GRIP1: variants seen among roughly 807,000 people sequenced by gnomAD.
GRIP1 encodes glutamate receptor-interacting protein 1.
Under a neutral mutation model 129.9 loss-of-function variants are expected in GRIP1, and 45 were observed. The ratio of observed to expected loss-of-function variants is 0.35; its 90% confidence interval spans 0.27 to 0.44. The LOEUF (loss-of-function observed/expected upper bound fraction) is 0.44. Ranked by LOEUF, GRIP1 falls within the 20% of genes least tolerant of loss-of-function variation. The pLI is 1.00. For synonymous variants in GRIP1, 530 were observed against 520.8 expected (o/e 1.02, Z -0.24); for missense variants, 1,196 against 1,396.8 (o/e 0.86, Z 2.29).
chr12:66,524,616 G>C (rs1276684868), intron 5 of GRIP1, among the ~76,000 whole-genome samples: 1 of 151,914 alleles, frequency 6.6e-6, no homozygotes, highest in South Asian at 2.1e-4. Flanking sequence ...ACAATTAAAA[G>C]AACTAGAAAA....
intron 11 of GRIP1, among the ~76,000 whole-genome samples, chr12:66,450,239 G>A (rs1165952790): frequency 7.0e-6 from 1 of 142,098 alleles, no homozygotes; most frequent in Non-Finnish European, 1.5e-5. Context: ...GGGAGGCGGA[G>A]CTTGCAGTGA....
At chr12:66,810,552 T>C (rs1344653288) in intron 1 of GRIP1, among the ~76,000 whole-genome samples, 1 of 151,548 alleles carries the variant, frequency 6.6e-6, no homozygotes, top group East Asian at 2.0e-4. Context: ...AGTGAAACCC[T>C]GTGTCAAGGA....
rs1325988496 is a variant in GRIP1 at position 66,541,824 on chromosome 12, A to G, written c.263T>C (p.Ile88Thr). Residue 88 changes from isoleucine (I) to threonine (T), a missense_variant, in exon 3 of 25, where the codon ATT becomes ACT. This residue lies in a region of GRIP1 where 217 missense variants were observed against 224.8 expected (regional missense o/e 0.97). Coordinates refer to ENST00000359742, the MANE Select transcript of GRIP1 (RefSeq NM_001366722.1). ...CCCAAGAGGCAGTTACCTAGCAGCA[A>G]TTCCTCCTTGCCGCAGATTAGATAC... ...PRVSNLRQGG[I>T]AARSDQLDVG... 3 of 1,613,966 alleles carry G rather than the reference A, an allele frequency of 1.9e-6. No homozygotes were observed. The Admixed American group carries it at 5.0e-5, about 27-fold the overall frequency.
intron 1 of GRIP1, among the ~76,000 whole-genome samples, chr12:67,007,729 T>C (rs1250824128): frequency 6.6e-6 from 1 of 152,160 alleles, no homozygotes; most frequent in Non-Finnish European, 1.5e-5. Flanking sequence ...AGGAAAATCA[T>C]GGTCATGGTG....
At chr12:66,646,332 T>C (rs930176738) in intron 1 of GRIP1, among the ~76,000 whole-genome samples, 10 of 152,142 alleles carry the variant, frequency 6.6e-5, no homozygotes, top group Non-Finnish European at 1.3e-4. Context: ...CAGAAATATA[T>C]TTGGGGGAAG....
rs117124003 is a variant in GRIP1 at position 66,934,532 on chromosome 12, C to T, written c.58+134518G>A. Among the ~76,000 whole-genome samples, 984 of 152,260 alleles carry T rather than the reference C, an allele frequency of 6.5e-3. 2 individuals are homozygous for T. Among genetic ancestry groups the T allele is most frequent in the Non-Finnish European group, 0.01 (712 of 68,018 alleles). On this transcript the variant is annotated intron_variant, in intron 1 of 1. Transcript: ENST00000643019. ...TTTGTTAGCATGGTTTCACACAATG[C>T]CCTTCACATGCCAAAGACACAAAAA...
At chr12:67,047,192 T>A (rs2043266758) in intron 1 of GRIP1, among the ~76,000 whole-genome samples, 1 of 152,190 alleles carries the variant, frequency 6.6e-6, no homozygotes. Context: ...TAAATTGTCA[T>A]GGTTGCTTGG....
intron 16 of GRIP1, 119 bp downstream of exon 16, chr12:66,406,164 G>T: frequency 1.0e-6 from 1 of 957,716 alleles, no homozygotes; most frequent in Non-Finnish European, 1.6e-6. Flanking sequence ...TCTTTTAGCT[G>T]TGAAACACTG....
intron 1 of GRIP1, among the ~76,000 whole-genome samples, chr12:67,020,347 C>A (rs1160653176): frequency 1.3e-5 from 2 of 152,194 alleles, no homozygotes; most frequent in Non-Finnish European, 2.9e-5. Context: ...ATGTCACTAA[C>A]ACTAAAGGAA....
At chr12:66,619,571 G>A (rs553544717) in intron 1 of GRIP1, among the ~76,000 whole-genome samples, 2 of 151,994 alleles carry the variant, frequency 1.3e-5, no homozygotes, top group Non-Finnish European at 2.9e-5. Context: ...CCATGTGCCA[G>A]AAGTAAAAGA....
At chr12:66,534,855 G>A (rs1259968054) in intron 4 of GRIP1, among the ~76,000 whole-genome samples, 1 of 152,046 alleles carries the variant, frequency 6.6e-6, no homozygotes, top group African/African-American at 2.4e-5. Context: ...CACCATGCCT[G>A]GCTAATTTTT....
intron 1 of GRIP1, among the ~76,000 whole-genome samples, chr12:66,657,267 C>A (rs1445661126): frequency 7.2e-6 from 1 of 139,058 alleles, no homozygotes; most frequent in Non-Finnish European, 1.6e-5. Flanking sequence ...TCAGCCTCTA[C>A]TGAAGGAGGA....
At chr12:66,695,412 C>T (rs990029774) in intron 1 of GRIP1, among the ~76,000 whole-genome samples, 2 of 152,098 alleles carry the variant, frequency 1.3e-5, no homozygotes, top group East Asian at 3.9e-4. Flanking sequence ...TTGGGATACA[C>T]AGCACGAGCT....
At chr12:66,768,557 G>A (rs1353786775) in intron 1 of GRIP1, among the ~76,000 whole-genome samples, 1 of 152,302 alleles carries the variant, frequency 6.6e-6, no homozygotes, top group Non-Finnish European at 1.5e-5. Context: ...AGGAGTGAAG[G>A]CAGGAACAAT....
At chr12:66,642,495 T>C (rs2032023242) in intron 1 of GRIP1, among the ~76,000 whole-genome samples, 1 of 152,022 alleles carries the variant, frequency 6.6e-6, no homozygotes, top group African/African-American at 2.4e-5. Flanking sequence ...AATGAGACTA[T>C]ATTAAAGAGT....
chr12:66,367,942 G>T (rs952742987), intron 23 of GRIP1, among the ~76,000 whole-genome samples: 1 of 152,162 alleles, frequency 6.6e-6, no homozygotes, highest in African/African-American at 2.4e-5. Context: ...CCAGTGTCAG[G>T]CATGACAACT....
chr12:66,605,091 C>T (rs143560223), intron 1 of GRIP1, among the ~76,000 whole-genome samples: 91 of 149,610 alleles, frequency 6.1e-4, no homozygotes, highest in African/African-American at 2.1e-3. Context: ...ACAATTTGGA[C>T]TGCAGTAAAT....
chr12:66,908,957 T>G (rs1483945852), intron 1 of GRIP1, among the ~76,000 whole-genome samples: 1 of 152,200 alleles, frequency 6.6e-6, no homozygotes, highest in Non-Finnish European at 1.5e-5. Context: ...TATCCCTCAA[T>G]GGAGGAGCTT....
At chr12:66,468,416 A>C (rs2138386560) in intron 7 of GRIP1, among the ~76,000 whole-genome samples, 1 of 152,326 alleles carries the variant, frequency 6.6e-6, no homozygotes, top group Non-Finnish European at 1.5e-5. Context: ...CCTTTGATAC[A>C]ATGACTGAAT....
Sources: gnomAD v4.1 joint callset for allele counts (sites outside exome capture counted in the v4.1 genomes callset) on GRCh38, gnomAD v4.1.1 for gene constraint, gnomAD v4.1.1 regional missense constraint, MANE v1.5 for transcripts, NCBI Gene and HGNC (gene_info 2026-07-23, HGNC 2026-07-21) for gene names.